The following PRKCB variants were observed in gnomAD, a reference collection of about 807,000 sequenced individuals.
PRKCB encodes the protein protein kinase C beta type.
In PRKCB, 13 loss-of-function variants were observed where a neutral mutation model predicts 81.5. That is an observed-to-expected ratio of 0.16 (90% CI 0.10 to 0.25). PRKCB has a LOEUF of 0.25. Among genes scored for constraint, PRKCB ranks in the 10% least tolerant of loss-of-function variants. The pLI is 1.00. For synonymous variants in PRKCB, 335 were observed against 321.4 expected, an observed-to-expected ratio of 1.04 and a Z score of -0.45; for missense variants, 509 against 875.7, an observed-to-expected ratio of 0.58 and a Z score of 5.29.
chr16:24,198,841 A>T (rs937241484), intron 16 of PRKCB, among the ~76,000 whole-genome samples: 4 of 152,262 alleles, frequency 2.6e-5, no homozygotes. Context: ...ACCTGATGAG[A>T]AGCAGACGTT....
chr16:24,084,496 A>C (rs1328396715), intron 5 of PRKCB, among the ~76,000 whole-genome samples: 1 of 152,136 alleles, frequency 6.6e-6, no homozygotes, highest in African/African-American at 2.4e-5. Flanking sequence ...AAGAAAATGG[A>C]TATAGATAAT....
chr16:23,903,645 A>G (rs1963516434), intron 2 of PRKCB, among the ~76,000 whole-genome samples: 1 of 152,166 alleles, frequency 6.6e-6, no homozygotes, highest in Non-Finnish European at 1.5e-5. Context: ...CGGAGAGGGG[A>G]AAGCAGCAGT....
chr16:24,220,258 GT>G lies in PRKCB; in HGVS notation c.*5443del, dbSNP rs1474289628. 2 of 945,950 alleles carry G rather than the reference GT, an allele frequency of 2.1e-6. No homozygotes were observed. Among genetic ancestry groups the G allele is most frequent in the East Asian group, 5.1e-5 (2 of 39,316 alleles). 58.6% of individuals were successfully genotyped at this position (945,950 alleles called of 1,614,324 possible). ...TCTTAGAGGGCTTTTCTTTGTATGTGTAGCTTGCTAGTTTGTTTTCTACATT... is the reference window on the plus strand; with the variant it reads ...TCTTAGAGGGCTTTTCTTTGTATGTGAGCTTGCTAGTTTGTTTTCTACATT... On this transcript the variant is annotated 3_prime_UTR_variant, in exon 17 of 17. Transcript: ENST00000643927.
At chr16:23,987,022 C>T (rs559703336) in intron 2 of PRKCB, among the ~76,000 whole-genome samples, 1 of 152,262 alleles carries the variant, frequency 6.6e-6, no homozygotes, top group Non-Finnish European at 1.5e-5. Flanking sequence ...ATATCAGTAA[C>T]AATAATTCCC....
intron 7 of PRKCB, among the ~76,000 whole-genome samples, chr16:24,110,085 GGAAAGAGA>G (rs1966652807): frequency 1.4e-5 from 2 of 142,104 alleles, no homozygotes; most frequent in Non-Finnish European, 1.5e-5. Context: ...GGGAGACCGT[GGAAAGAGA>G]GGGAGAGGGA....
chr16:24,091,730 C>T (rs1307136482), intron 5 of PRKCB, among the ~76,000 whole-genome samples: 2 of 152,166 alleles, frequency 1.3e-5, no homozygotes, highest in Non-Finnish European at 2.9e-5. Flanking sequence ...CCTGCCTGGG[C>T]CTCCCAAGTA....
chr16:24,097,639 C>T (rs1218253838), intron 7 of PRKCB, among the ~76,000 whole-genome samples: 2 of 152,128 alleles, frequency 1.3e-5, no homozygotes. Flanking sequence ...CTCAGGAGAT[C>T]CTGATGACAT....
At chr16:23,849,802 T>C (rs922530758) in intron 2 of PRKCB, among the ~76,000 whole-genome samples, 7 of 152,278 alleles carry the variant, frequency 4.6e-5, no homozygotes, top group African/African-American at 1.7e-4. Flanking sequence ...AACTAATTAA[T>C]ATAACCATCA....
intron 2 of PRKCB, among the ~76,000 whole-genome samples, chr16:23,947,993 G>A (rs1964227154): frequency 1.3e-5 from 2 of 150,714 alleles, no homozygotes; most frequent in Non-Finnish European, 3.0e-5. Flanking sequence ...TGCAGCTAGA[G>A]CACAGACATG....
At chr16:24,187,744 T>C (rs1967727236) in intron 15 of PRKCB, among the ~76,000 whole-genome samples, 1 of 152,176 alleles carries the variant, frequency 6.6e-6, no homozygotes, top group Non-Finnish European at 1.5e-5. Flanking sequence ...CGTGGAGTGA[T>C]CATGGCTCAC....
intron 2 of PRKCB, among the ~76,000 whole-genome samples, chr16:23,921,330 G>T (rs1963821696): frequency 6.6e-6 from 1 of 152,312 alleles, no homozygotes. Flanking sequence ...TAGGGATTGT[G>T]TGGGGTTTAA....
intron 2 of PRKCB, among the ~76,000 whole-genome samples, chr16:23,859,867 A>AGGAGAGAGAGAGAGAGAAAG (rs1414434418): frequency 3.1e-4 from 46 of 147,536 alleles, no homozygotes; most frequent in South Asian, 8.7e-4. Flanking sequence ...TGACAGCATT[A>AGGAGAGAGAGAGAGAGAAAG]GGAGAGAGAG....
chr16:24,161,016 A>G (rs1003946680), intron 10 of PRKCB, among the ~76,000 whole-genome samples: 1 of 152,146 alleles, frequency 6.6e-6, no homozygotes, highest in African/African-American at 2.4e-5. Flanking sequence ...CTACCTTTAA[A>G]AAAAAAAGAG....
At chr16:24,029,990 C>A (rs533051585) in intron 3 of PRKCB, among the ~76,000 whole-genome samples, 1 of 152,256 alleles carries the variant, frequency 6.6e-6, no homozygotes, top group East Asian at 1.9e-4. Flanking sequence ...GCCTTGAATT[C>A]TTGGGCTCAA....
Position 24,218,914 on chromosome 16 carries a change from G to A in PRKCB, c.*4098G>A. 1.0e-6 allele frequency: 1 copy of A among 985,444 alleles called. No homozygotes were observed. The highest frequency in any genetic ancestry group is 1.2e-6 in the Non-Finnish European group (1 of 829,996). 61.0% of individuals were successfully genotyped at this position (985,444 alleles called of 1,614,324 possible). ...GCCTACATAGCAGCGATGTGGTCAGGTAAAAATCAGGAACCCACTGAAATC... is the reference window on the plus strand; with the variant it reads ...GCCTACATAGCAGCGATGTGGTCAGATAAAAATCAGGAACCCACTGAAATC... On this transcript the variant is annotated 3_prime_UTR_variant, in exon 17 of 17. Transcript: ENST00000643927.
At chr16:23,933,441 A>G (rs978079740) in intron 2 of PRKCB, among the ~76,000 whole-genome samples, 3 of 152,198 alleles carry the variant, frequency 2.0e-5, no homozygotes. Flanking sequence ...AATTCAAGCC[A>G]GAAGATTCTT....
chr16:24,009,603 A>T (rs7186305), intron 3 of PRKCB, among the ~76,000 whole-genome samples: 50,842 of 149,322 alleles, frequency 0.34, 8,977 homozygotes, highest in African/African-American at 0.45. Context: ...TTTTTTTTTT[A>T]AAAAAGACAA....
chr16:24,129,522 TC>T (rs1966850018), intron 9 of PRKCB, among the ~76,000 whole-genome samples: 2 of 88,562 alleles, frequency 2.3e-5, no homozygotes, highest in African/African-American at 8.6e-5. Flanking sequence ...TGCACGTGCA[TC>T]TATCTATCTA....
At chr16:24,012,612 C>A (rs1049849914) in intron 3 of PRKCB, among the ~76,000 whole-genome samples, 1 of 152,366 alleles carries the variant, frequency 6.6e-6, no homozygotes, top group East Asian at 1.9e-4. Context: ...GTTCTTGGGA[C>A]AAAGTAAATA....
Sources: allele counts gnomAD v4.1 joint callset (sites outside exome capture counted in the v4.1 genomes callset), GRCh38; gene constraint gnomAD v4.1.1; transcripts MANE v1.5; gene names NCBI Gene and HGNC (gene_info 2026-07-23, HGNC 2026-07-21).